Variants in AGBL1 observed in about 807,000 individuals in gnomAD.
AGBL1 encodes the protein cytosolic carboxypeptidase 4.
In AGBL1, 130 loss-of-function variants were observed where a neutral mutation model predicts 118.9. That is an observed-to-expected ratio of 1.09 (90% CI 0.95 to 1.26). The LOEUF (loss-of-function observed/expected upper bound fraction) is 1.26. AGBL1 is among the 50% of genes most tolerant of loss of function. The pLI is 0.00. For synonymous variants in AGBL1, 555 were observed against 478.9 expected (o/e 1.16, Z -2.08); for missense variants, 1,584 against 1,298.1 (o/e 1.22, Z -3.38).
At chr15:86,883,997 T>A (rs190018095) in intron 22 of AGBL1, among the ~76,000 whole-genome samples, 142 of 152,280 alleles carry the variant, frequency 9.3e-4, no homozygotes, top group Non-Finnish European at 5.7e-4. Flanking sequence ...TACTATGCAC[T>A]AATTGTTTTT....
chr15:86,715,724 G>A (rs1029154225), intron 22 of AGBL1, among the ~76,000 whole-genome samples: 5 of 152,152 alleles, frequency 3.3e-5, no homozygotes, highest in African/African-American at 1.2e-4. Flanking sequence ...CAGGGAAAAT[G>A]TATAATTAAT....
intron 21 of AGBL1, among the ~76,000 whole-genome samples, chr15:86,626,608 G>T (rs2084890211): frequency 6.6e-6 from 1 of 152,032 alleles, no homozygotes; most frequent in Non-Finnish European, 1.5e-5. Flanking sequence ...CATGACACAA[G>T]TTTACCTATG....
chr15:87,009,650 C>A (rs962289514), intron 24 of AGBL1, among the ~76,000 whole-genome samples: 1 of 152,186 alleles, frequency 6.6e-6, no homozygotes, highest in African/African-American at 2.4e-5. Flanking sequence ...TCAATGCCAG[C>A]CCACAAAAGC....
intron 18 of AGBL1, among the ~76,000 whole-genome samples, chr15:86,462,681 G>A (rs184022779): frequency 1.1e-4 from 16 of 152,166 alleles, no homozygotes; most frequent in Middle Eastern, 3.4e-3. Flanking sequence ...GAGAACATGC[G>A]GTGTTTGGTT....
At chr15:86,387,196 A>G (rs1484377702) in intron 17 of AGBL1, among the ~76,000 whole-genome samples, 1 of 152,160 alleles carries the variant, frequency 6.6e-6, no homozygotes, top group Non-Finnish European at 1.5e-5. Flanking sequence ...GCATCAAGAA[A>G]AGCTTCAGGT....
chr15:86,756,934 TA>T (rs935718168), intron 22 of AGBL1, among the ~76,000 whole-genome samples: 3 of 147,060 alleles, frequency 2.0e-5, no homozygotes, highest in African/African-American at 7.5e-5. Flanking sequence ...TTGAATCCAA[TA>T]AACATGTCTT....
intron 6 of AGBL1, among the ~76,000 whole-genome samples, chr15:86,234,685 G>T (rs2078511026): frequency 6.6e-6 from 1 of 152,080 alleles, no homozygotes. Context: ...ATGACTCTGT[G>T]CTACACTTCC....
chr15:86,897,724 T>A (rs2080148732), intron 22 of AGBL1, among the ~76,000 whole-genome samples: 1 of 151,728 alleles, frequency 6.6e-6, no homozygotes, highest in South Asian at 2.1e-4. Context: ...TCACCTTTTT[T>A]TTTCTTGAAC....
intron 6 of AGBL1, among the ~76,000 whole-genome samples, chr15:86,242,463 G>A (rs1348421857): frequency 1.3e-5 from 2 of 152,192 alleles, no homozygotes; most frequent in African/African-American, 4.8e-5. Context: ...TGATAGAGCT[G>A]TAAAGTAACA....
At chr15:86,770,605 G>C (rs987715271) in intron 22 of AGBL1, among the ~76,000 whole-genome samples, 120 of 152,096 alleles carry the variant, frequency 7.9e-4, no homozygotes, top group Non-Finnish European at 3.7e-4. Context: ...AAGGATGGCA[G>C]AGTTGGTCAG....
intron 16 of AGBL1, among the ~76,000 whole-genome samples, chr15:86,293,062 G>A (rs550858419): frequency 1.3e-5 from 2 of 152,122 alleles, no homozygotes; most frequent in African/African-American, 2.4e-5. Context: ...TCTTTTCTTG[G>A]CACTTTTTCT....
At chr15:86,521,983 G>A (rs993064006) in intron 18 of AGBL1, among the ~76,000 whole-genome samples, 9 of 152,110 alleles carry the variant, frequency 5.9e-5, no homozygotes. Context: ...CTGTGCAGGG[G>A]CTGCCCTTGG....
chr15:86,270,032 T>C lies in AGBL1; in HGVS notation c.1952T>C (p.Ile651Thr), dbSNP rs781707462. ...GCCATCCCTTACCACTTCAACATCATCAACTGTGAGAAGCCCAACAGCCAG... is the reference window on the plus strand; with the variant it reads ...GCCATCCCTTACCACTTCAACATCACCAACTGTGAGAAGCCCAACAGCCAG... Reference protein sequence around the residue: ...QAAIPYHFNIINCEKPNSQFN... With the variant: ...QAAIPYHFNITNCEKPNSQFN... The change falls in exon 14 of 23, where the codon ATC becomes ACC. Residue 651 changes from isoleucine (I) to threonine (T), a missense_variant. Physicochemically the swap from Ile to Thr is moderately conservative, Grantham distance 89 (BLOSUM62 -1). Transcript: ENST00000614907. 2 of 1,612,986 alleles carry C rather than the reference T, an allele frequency of 1.2e-6. No homozygotes were observed. Among genetic ancestry groups the C allele is most frequent in the African/African-American group, 2.7e-5 (2 of 74,916 alleles).
intron 18 of AGBL1, among the ~76,000 whole-genome samples, chr15:86,407,576 T>C (rs572490973): frequency 1.2e-4 from 19 of 152,316 alleles, no homozygotes; most frequent in African/African-American, 4.1e-4. Context: ...TGTTTTACTA[T>C]AGGTCAGATA....
chr15:86,891,370 A>T (rs1238058895), intron 22 of AGBL1, among the ~76,000 whole-genome samples: 2 of 152,098 alleles, frequency 1.3e-5, no homozygotes, highest in East Asian at 3.9e-4. Context: ...ACAGCAGTGT[A>T]GTTGAGTGAG....
intron 22 of AGBL1, among the ~76,000 whole-genome samples, chr15:86,825,058 A>G (rs561341900): frequency 1.1e-3 from 161 of 152,154 alleles, no homozygotes; most frequent in Non-Finnish European, 2.0e-3. Flanking sequence ...CTCTGTCTCA[A>G]AACAAAAACA....
At chr15:86,677,210 A>G (rs2085864364) in intron 22 of AGBL1, among the ~76,000 whole-genome samples, 1 of 152,218 alleles carries the variant, frequency 6.6e-6, no homozygotes, top group Admixed American at 6.5e-5. Context: ...CAATATCCAC[A>G]GAGCAACTCA....
At chr15:86,092,985 A>C (rs1251410497) in intron 1 of AGBL1, among the ~76,000 whole-genome samples, 2 of 152,180 alleles carry the variant, frequency 1.3e-5, no homozygotes, top group African/African-American at 2.4e-5. Flanking sequence ...TGGGAAACAC[A>C]TTCAAATAAT....
intron 14 of AGBL1, 82 bp from the exon 15 acceptor site, chr15:86,271,536 AC>A (rs1309936368): frequency 9.8e-7 from 1 of 1,025,100 alleles, no homozygotes; most frequent in Non-Finnish European, 1.5e-6. Context: ...AGGGATTAAG[AC>A]CTATGTGTAT....
Sources: gnomAD v4.1 joint callset for allele counts (sites outside exome capture counted in the v4.1 genomes callset) on GRCh38, gnomAD v4.1.1 for gene constraint, MANE v1.5 for transcripts, NCBI Gene and HGNC (gene_info 2026-07-23, HGNC 2026-07-21) for gene names.